SMARCD1: variants seen among roughly 807,000 people sequenced by gnomAD.
SMARCD1 encodes the protein SWI/SNF-related matrix-associated actin-dependent regulator of chromatin subfamily D member 1.
Under a neutral mutation model 70.8 loss-of-function variants are expected in SMARCD1, and 16 were observed. The ratio of observed to expected loss-of-function variants is 0.23; its 90% CI spans 0.15 to 0.34. The LOEUF (loss-of-function observed/expected upper bound fraction) is 0.34. Among genes scored for constraint, SMARCD1 ranks in the 10% least tolerant of loss-of-function variants. SMARCD1 has a pLI of 1.00. For synonymous variants in SMARCD1, 249 were observed against 246.0 expected (o/e 1.01, Z -0.11); for missense variants, 409 against 655.5 (o/e 0.62, Z 4.11).
Position 50,088,623 on chromosome 12 carries a change from A to G in SMARCD1, c.757A>G (p.Asn253Asp). The G allele has an allele frequency of 6.3e-7, 1 of 1,585,822 alleles. No homozygotes were observed. The highest frequency in any genetic ancestry group is 8.6e-7 in the Non-Finnish European group (1 of 1,156,552). Residue 253 changes from asparagine to aspartate, a missense_variant, in exon 6 of 13, where the codon AAC becomes GAC. Physicochemically the swap from Asn to Asp is conservative, Grantham distance 23 (BLOSUM62 1). Around this residue, in one of 2 missense-constraint regions of SMARCD1, gnomAD observed 269 missense variants for 498.6 expected, o/e 0.54. Transcript: ENST00000394963. Reference protein sequence around the residue: ...ELDKDLYGPDNHLVEWHRTAT... With the variant: ...ELDKDLYGPDDHLVEWHRTAT... The stretch of plus-strand genomic sequence containing the variant: ...GGACAAAGACCTGTATGGGCCAGAC[A>G]ACCATCTGGTAGAAGTGAGTAGCTC...
Position 50,095,991 on chromosome 12 carries a change from C to G in SMARCD1, c.1270-859C>G, listed in dbSNP as rs80071856. Among the ~76,000 whole-genome samples, 36 of 152,216 alleles carry G rather than the reference C, an allele frequency of 2.4e-4. 1 individual carries two copies. The East Asian group carries it at 5.8e-3, about 24-fold the overall frequency. The stretch of plus-strand genomic sequence containing the variant: ...TGATGCTATTTGTATATAGAATGAT[C>G]ACTTGCAGGAAGGTGGATGGAGAAT... On this transcript the variant is annotated intron_variant, in intron 10 of 12. Coordinates refer to ENST00000394963, the MANE Select transcript of SMARCD1 (RefSeq NM_003076.5).
At chr12:50,097,711 G>A (rs958158311) in intron 11 of SMARCD1, among the ~76,000 whole-genome samples, 3 of 151,744 alleles carry the variant, frequency 2.0e-5, no homozygotes, top group African/African-American at 7.3e-5. Context: ...GGCCAACATG[G>A]TGAAACCCCA....
intron 5 of SMARCD1, chr12:50,088,143 C>A: frequency 1.5e-6 from 1 of 656,298 alleles, no homozygotes; most frequent in Non-Finnish European, 2.8e-6. Flanking sequence ...TGGTGTCATT[C>A]TGTCCAAATA....
At chr12:50,086,479 T>TTGGTGGTGGGGG in intron 2 of SMARCD1, 131 bp downstream of exon 2, 1 of 780,056 alleles carries the variant, frequency 1.3e-6, no homozygotes, top group Non-Finnish European at 2.0e-6. Flanking sequence ...TTGAGAATGC[T>TTGGTGGTGGGGG]TGGTGGTGGT....
intron 6 of SMARCD1, chr12:50,089,409 A>G (rs908599279): frequency 1.3e-5 from 2 of 157,364 alleles, no homozygotes; most frequent in African/African-American, 4.8e-5. Flanking sequence ...CAGACACATC[A>G]GAGCTCAAAT....
chr12:50,091,743 A>AT (rs1201776374), intron 9 of SMARCD1, among the ~76,000 whole-genome samples: 5 of 150,920 alleles, frequency 3.3e-5, no homozygotes, highest in African/African-American at 7.3e-5. Context: ...TGCCCAGCTA[A>AT]TTTTTTTATA....
rs534953232 is a variant in SMARCD1 at position 50,087,422 on chromosome 12, C to A, written c.591C>A (p.Ala197=). The A allele has an allele frequency of 1.2e-6, 2 of 1,614,058 alleles. No individual in the cohort carries two copies. Among genetic ancestry groups the A allele is most frequent in the Admixed American group, 3.3e-5 (2 of 60,006 alleles). The change falls in exon 5 of 13, where the codon GCC becomes GCA. Residue 197 remains alanine (A), a synonymous_variant. Transcript: ENST00000394963. ...CTTTCAATCCGGCTAAGTCAGATGC[C>A]GAGGATGGGGAAGGGACGGTGGCTT... ...SNTFNPAKSD[A]EDGEGTVASW... is the part of the protein sequence containing the mutation.
intron 6 of SMARCD1, 110 bp downstream of exon 6, chr12:50,088,747 G>A (rs992224260): frequency 1.4e-5 from 8 of 569,290 alleles, no homozygotes; most frequent in Admixed American, 1.4e-4. Context: ...CACTCTAGGT[G>A]TACACAGTAC....
At chr12:50,086,077 G>C (rs1031912968) in intron 1 of SMARCD1, 84 bp from the exon 2 acceptor site, 1 of 1,078,050 alleles carries the variant, frequency 9.3e-7, no homozygotes, top group Admixed American at 2.5e-5. Context: ...TTCATTCAAA[G>C]ATCTCAGGCG....
At chr12:50,098,496 C>T (rs1950911905) in intron 11 of SMARCD1, 2 of 564,786 alleles carry the variant, frequency 3.5e-6, no homozygotes, top group East Asian at 3.0e-5. Context: ...TATAAGGGAA[C>T]CTACCGGTCA....
Position 50,100,239 on chromosome 12 carries a change from G to C in SMARCD1, c.*1239G>C, listed in dbSNP as rs1442098646. 1 of 152,678 alleles carries C rather than the reference G, an allele frequency of 6.5e-6. No individual in the cohort carries two copies. The highest frequency in any genetic ancestry group is 2.4e-5 in the African/African-American group (1 of 41,424). 9.5% of individuals were successfully genotyped at this position (152,678 alleles called of 1,614,324 possible). ...CAGGCTCGCAGACTCAACACAGCAA[G>C]GGTGGGAGACAGCTGGGCACAAAGG... On this transcript the variant is annotated 3_prime_UTR_variant, in exon 13 of 13. Transcript: ENST00000394963.
intron 10 of SMARCD1, among the ~76,000 whole-genome samples, chr12:50,094,831 T>G (rs544132164): frequency 5.3e-5 from 8 of 152,248 alleles, no homozygotes; most frequent in African/African-American, 1.9e-4. Flanking sequence ...GGAGTCTCGC[T>G]CTCTCGCCCA....
intron 10 of SMARCD1, among the ~76,000 whole-genome samples, chr12:50,094,948 C>CCAT (rs1950879734): frequency 6.6e-6 from 1 of 152,190 alleles, no homozygotes; most frequent in African/African-American, 2.4e-5. Flanking sequence ...CAGTCACCCA[C>CCAT]CATCACACCC....
In SMARCD1 at chr12:50,086,331, C is replaced by G. The variant is rs777850677; in HGVS notation, c.348C>G (p.Val116=). Residue 116 remains valine, a synonymous_variant, in exon 2 of 13, where the codon GTC becomes GTG. Transcript: ENST00000394963. ...TCCAGCAGGTCCAGCAGCAGGCGGT[C>G]CAAAATCGAAACCACAAGTAAGATG... The part of the protein sequence containing the change: ...QQIQQVQQQA[V]QNRNHNAKKK... 3.8e-6 allele frequency: 6 copies of G among 1,590,194 alleles called. No homozygotes were observed. The highest frequency in any genetic ancestry group is 5.1e-6 in the Non-Finnish European group (6 of 1,168,196).
In SMARCD1 at chr12:50,088,541, T is replaced by C; in HGVS notation, c.675T>C (p.Asp225=). The C allele has an allele frequency of 6.2e-7, 1 of 1,602,076 alleles. No homozygotes were observed. Residue 225 remains aspartate (D), a synonymous_variant, in exon 6 of 13, where the codon GAT becomes GAC. Transcript: ENST00000394963. ...LLEDSALSKY[D]ATKQKRKFSS... is the part of the protein sequence containing the mutation. The stretch of plus-strand genomic sequence containing the variant: ...TCTAGTCAGCCTTGTCCAAATATGA[T>C]GCCACTAAACAAAAGAGGAAGTTCT...
Position 50,086,241 on chromosome 12 carries a change from A to C in SMARCD1, c.258A>C (p.Ser86=). 2 of 1,613,200 alleles carry C rather than the reference A, an allele frequency of 1.2e-6. No homozygotes were observed. Among genetic ancestry groups the C allele is most frequent in the Non-Finnish European group, 1.7e-6 (2 of 1,179,388 alleles). The change falls in exon 2 of 13, where the codon TCA becomes TCC. Residue 86 remains serine, a synonymous_variant. Transcript: ENST00000394963. ...CCCCTGGCTATGGGGGGAACCCTTCAGTCCGACCTGGCCTGGCCCAGTCAG... is the reference window on the plus strand; with the variant it reads ...CCCCTGGCTATGGGGGGAACCCTTCCGTCCGACCTGGCCTGGCCCAGTCAG... ...MGPPGYGGNP[S]VRPGLAQSGM...
chr12:50,096,713 C>T (rs1950896071), intron 10 of SMARCD1, 137 bp from the exon 11 acceptor site: 1 of 693,590 alleles, frequency 1.4e-6, no homozygotes, highest in South Asian at 2.0e-5. Context: ...GCAGTTGGAG[C>T]TCTATATGAT....
chr12:50,094,395 G>A, intron 9 of SMARCD1, 42 bp from the exon 10 acceptor site: 7 of 1,600,198 alleles, frequency 4.4e-6, no homozygotes, highest in Non-Finnish European at 6.0e-6. Flanking sequence ...TTAGGTCTTA[G>A]GGGACAAGCT....
At chr12:50,097,008 T>G in intron 11 of SMARCD1, 36 bp downstream of exon 11, 1 of 1,577,098 alleles carries the variant, frequency 6.3e-7, no homozygotes, top group Non-Finnish European at 8.7e-7. Flanking sequence ...GGGACTTAGG[T>G]CAGTGAGGTG....
Sources: allele counts gnomAD v4.1 joint callset (sites outside exome capture counted in the v4.1 genomes callset), GRCh38; gene constraint gnomAD v4.1.1; regional missense constraint gnomAD v4.1.1; transcripts MANE v1.5; gene names NCBI Gene and HGNC (gene_info 2026-07-23, HGNC 2026-07-21).